Variants in GABRG1 observed in about 807,000 individuals in gnomAD.
GABRG1 encodes gamma-aminobutyric acid receptor subunit gamma-1.
GABRG1 carries 49 observed loss-of-function variants against 49.8 expected under a neutral mutation model. The observed-to-expected ratio is 0.98, with a 90% CI of 0.78 to 1.25. The LOEUF (loss-of-function observed/expected upper bound fraction) is 1.25. Ranked by LOEUF, GABRG1 falls within the 50% of genes most tolerant of loss-of-function variation. GABRG1 has a pLI of 0.00. For synonymous variants in GABRG1, 232 were observed against 185.1 expected (o/e 1.25, Z -2.06); for missense variants, 552 against 552.3 (o/e 1.00, Z 0.01).
intron 3 of GABRG1, among the ~76,000 whole-genome samples, chr4:46,072,789 C>T (rs1377260590): frequency 3.3e-5 from 5 of 152,010 alleles, no homozygotes; most frequent in African/African-American, 7.2e-5. Flanking sequence ...ATGCTAGCTT[C>T]GCATGTGCGA....
chr4:46,089,240 C>T (rs11736752), intron 2 of GABRG1, among the ~76,000 whole-genome samples: 2 of 151,726 alleles, frequency 1.3e-5, no homozygotes, highest in Non-Finnish European at 2.9e-5. Flanking sequence ...GAGCCATATA[C>T]AATGCCTATG....
rs964010319 is a variant in GABRG1, at chr4:46,038,130, T to G, written c.*2858A>C. 1 of 151,694 alleles carries G rather than the reference T, an allele frequency of 6.6e-6. No homozygotes were observed. Among genetic ancestry groups the G allele is most frequent in the Non-Finnish European group, 1.5e-5 (1 of 67,704 alleles). The allele number at this position is 151,694 out of a possible 1,614,324, so 9.4% of individuals were successfully genotyped here. On this transcript the variant is annotated 3_prime_UTR_variant, in exon 9 of 9. Coordinates refer to ENST00000295452, the MANE Select transcript of GABRG1 (RefSeq NM_173536.4). ...CTCCAATTAGTTATCTAATTCCCAC[T>G]TACATCAAGACTTCAGACTTACTGG...
intron 3 of GABRG1, among the ~76,000 whole-genome samples, chr4:46,078,106 A>T (rs975580162): frequency 5.3e-5 from 8 of 151,848 alleles, no homozygotes; most frequent in Non-Finnish European, 1.0e-4. Flanking sequence ...ATGCAGAAGA[A>T]AAGAAATTAA....
rs34374380 is a variant in GABRG1 at position 46,090,933 on chromosome 4, T to TAC, written c.253+6266_253+6267dup. On this transcript the variant is annotated intron_variant, in intron 2 of 8. Transcript: ENST00000295452. ...CAGGACAGCTAGGACTTCCCTGGAA[T>TAC]ACACACACACACACACACACATACA... Among the ~76,000 whole-genome samples the TAC allele has an allele frequency of 4.9e-3, 684 of 139,322 alleles. 2 individuals carry two copies. Among genetic ancestry groups the TAC allele is most frequent in the Middle Eastern group, 0.011 (3 of 276 alleles). The allele number at this position is 139,322 out of a possible 152,430, so 91.4% of individuals were successfully genotyped here.
At chr4:46,067,882 A>G (rs1314549285) in intron 3 of GABRG1, among the ~76,000 whole-genome samples, 1 of 152,126 alleles carries the variant, frequency 6.6e-6, no homozygotes, top group Non-Finnish European at 1.5e-5. Flanking sequence ...GAGGTCCAAG[A>G]GACCCTTATA....
intron 5 of GABRG1, among the ~76,000 whole-genome samples, chr4:46,058,934 G>A (rs1021796780): frequency 6.6e-6 from 1 of 151,910 alleles, no homozygotes; most frequent in Admixed American, 6.6e-5. Flanking sequence ...TAATTTCTGC[G>A]ATGATCTTTT....
At chr4:46,063,583 G>T (rs1422585795) in intron 5 of GABRG1, among the ~76,000 whole-genome samples, 3 of 152,102 alleles carry the variant, frequency 2.0e-5, no homozygotes, top group Non-Finnish European at 2.9e-5. Context: ...AACCCTAGAA[G>T]AAAACCTAGG....
chr4:46,053,702 C>A (rs1000473487), intron 7 of GABRG1, among the ~76,000 whole-genome samples: 8 of 151,888 alleles, frequency 5.3e-5, no homozygotes, highest in Admixed American at 4.6e-4. Context: ...ATTTTGTTAT[C>A]CACTACTGCA....
chr4:46,110,237 G>A (rs962279587), intron 1 of GABRG1, among the ~76,000 whole-genome samples: 3 of 150,996 alleles, frequency 2.0e-5, no homozygotes, highest in African/African-American at 7.3e-5. Flanking sequence ...GAGTCTTCTT[G>A]TTGAATTGCA....
At chr4:46,114,179 A>C (rs1044708488) in intron 1 of GABRG1, among the ~76,000 whole-genome samples, 25 of 151,216 alleles carry the variant, frequency 1.7e-4, no homozygotes, top group African/African-American at 5.8e-4. Context: ...AAATAAGTAA[A>C]AGAGTGATAA....
intron 2 of GABRG1, among the ~76,000 whole-genome samples, chr4:46,088,132 A>G (rs904999339): frequency 3.3e-5 from 5 of 152,048 alleles, no homozygotes; most frequent in Non-Finnish European, 5.9e-5. Context: ...GTGGTTCTCA[A>G]TGAGAACACC....
intron 1 of GABRG1, among the ~76,000 whole-genome samples, chr4:46,118,272 ATCTATC>A (rs1560377633): frequency 1.7e-4 from 26 of 149,618 alleles, no homozygotes; most frequent in African/African-American, 6.1e-4. Context: ...CTATCTATCT[ATCTATC>A]TACCTACCTA....
chr4:46,084,200 C>A, intron 2 of GABRG1, 147 bp from the exon 3 acceptor site: 2 of 586,102 alleles, frequency 3.4e-6, no homozygotes, highest in East Asian at 3.0e-5. Context: ...AGAAATGTAG[C>A]CTTTATAAAA....
intron 1 of GABRG1, among the ~76,000 whole-genome samples, chr4:46,115,012 T>C (rs953201515): frequency 1.3e-5 from 2 of 150,878 alleles, no homozygotes; most frequent in African/African-American, 4.8e-5. Context: ...TAAAATATTG[T>C]TAATGTATGA....
chr4:46,080,893 T>A (rs1476479664), intron 3 of GABRG1, among the ~76,000 whole-genome samples: 1 of 151,846 alleles, frequency 6.6e-6, no homozygotes, highest in Non-Finnish European at 1.5e-5. Flanking sequence ...AATATAACAT[T>A]TTAGCAATGT....
chr4:46,068,813 C>T (rs560518296), intron 3 of GABRG1, among the ~76,000 whole-genome samples: 7 of 152,110 alleles, frequency 4.6e-5, no homozygotes, highest in Non-Finnish European at 7.4e-5. Context: ...ATGATCTACA[C>T]AAGAAATAAG....
chr4:46,059,514 A>G (rs1338480900), intron 5 of GABRG1, among the ~76,000 whole-genome samples: 1 of 152,024 alleles, frequency 6.6e-6, no homozygotes, highest in South Asian at 2.1e-4. Flanking sequence ...CAGCCTCCCA[A>G]GTAGCTGAGA....
intron 3 of GABRG1, among the ~76,000 whole-genome samples, chr4:46,075,078 T>C (rs777169917): frequency 3.3e-5 from 5 of 151,606 alleles, no homozygotes; most frequent in Non-Finnish European, 7.4e-5. Context: ...AATTAATATA[T>C]ATATATTTTA....
intron 3 of GABRG1, among the ~76,000 whole-genome samples, chr4:46,070,021 G>T (rs1452788298): frequency 6.6e-6 from 1 of 151,816 alleles, no homozygotes; most frequent in Non-Finnish European, 1.5e-5. Flanking sequence ...AGGGCGGGAT[G>T]GAAAATAAAG....
Sources: allele counts gnomAD v4.1 joint callset (sites outside exome capture counted in the v4.1 genomes callset), GRCh38; gene constraint gnomAD v4.1.1; transcripts MANE v1.5; gene names NCBI Gene and HGNC (gene_info 2026-07-23, HGNC 2026-07-21).